Variants in RTTN observed in about 807,000 individuals in gnomAD.
RTTN encodes rotatin.
In RTTN, 182 loss-of-function variants were observed where a neutral mutation model predicts 269.2. The observed-to-expected ratio is 0.68, with a 90% CI of 0.60 to 0.76. The LOEUF (loss-of-function observed/expected upper bound fraction) is 0.76, where lower values mean the gene tolerates loss of function less well. Among genes scored for constraint, RTTN ranks in the 30% least tolerant of loss-of-function variants. The pLI, the probability that RTTN is intolerant of heterozygous loss-of-function variation, is 0.00. For synonymous variants in RTTN, 1,006 were observed against 963.5 expected (o/e 1.04, Z -0.82); for missense variants, 2,545 against 2,608.6 (o/e 0.98, Z 0.53).
chr18:70,081,289 TCAAACAC>T lies in RTTN; in HGVS notation c.4374+5317_4374+5323del, dbSNP rs201643391. 6.7e-3 allele frequency among the ~76,000 whole-genome samples: 1,020 copies of T among 151,858 alleles called. 23 individuals carry two copies. The highest frequency in any genetic ancestry group is 0.037 in the Admixed American group (559 of 15,220). ...ACCACTAAAGAACTTACTCATGTAATCAAACACCACCTGTTCCCCAATAACCTATGGG... is the reference window on the plus strand; with the variant it reads ...ACCACTAAAGAACTTACTCATGTAATCACCTGTTCCCCAATAACCTATGGG... On this transcript the variant is annotated intron_variant, in intron 32 of 48. Transcript: ENST00000640769.
At chr18:70,134,038 G>A (rs934224610) in intron 23 of RTTN, among the ~76,000 whole-genome samples, 11 of 152,044 alleles carry the variant, frequency 7.2e-5, no homozygotes, top group African/African-American at 2.7e-4. Flanking sequence ...TCATATTGTA[G>A]CAGTTATGTA....
chr18:70,180,528 G>C (rs1360823206), intron 10 of RTTN, among the ~76,000 whole-genome samples: 1 of 149,468 alleles, frequency 6.7e-6, no homozygotes, highest in African/African-American at 2.5e-5. Flanking sequence ...GTTGCAGTGA[G>C]TCAAGATCAC....
Position 70,142,294 on chromosome 18 carries a change from T to C in RTTN, c.2575A>G (p.Met859Val), listed in dbSNP as rs577535023. ...TTCCCTTAAAAGACATTACCTTGCATAATCACAGCTAACTGTTCAGCAGCT... is the reference window on the plus strand; with the variant it reads ...TTCCCTTAAAAGACATTACCTTGCACAATCACAGCTAACTGTTCAGCAGCT... ...KSAAEQLAVIMQDIKMHAVVK... is the reference protein window; with the variant it reads ...KSAAEQLAVIVQDIKMHAVVK... The change falls in exon 19 of 49, where the codon ATG becomes GTG. Residue 859 changes from methionine to valine, a missense_variant. Met to Val is a conservative substitution (Grantham distance 21, BLOSUM62 1). Transcript: ENST00000640769. 6 of 1,587,256 alleles carry C rather than the reference T, an allele frequency of 3.8e-6. No homozygotes were observed. Among genetic ancestry groups the C allele is most frequent in the Middle Eastern group, 1.7e-4 (1 of 6,012 alleles).
In RTTN at chr18:70,150,084, T is replaced by C. The variant is rs1380586407; in HGVS notation, c.2059A>G (p.Asn687Asp). 5 of 1,603,262 alleles carry C rather than the reference T, an allele frequency of 3.1e-6. No homozygotes were observed. The Admixed American group carries it at 8.4e-5, about 27-fold the overall frequency. Residue 687 changes from asparagine (N) to aspartate (D), a missense_variant, in exon 16 of 49, where the codon AAC becomes GAC. Coordinates refer to ENST00000640769, the MANE Select transcript of RTTN (RefSeq NM_173630.4). Reference sequence around the variant, plus strand: ...AACAGAATGGCCTTGGCAGCAGTGTTCACCTGCTCAACAACACAGACCCGA... The same window carrying C: ...AACAGAATGGCCTTGGCAGCAGTGTCCACCTGCTCAACAACACAGACCCGA... ...FGIQEPESEVNTAAKAILLYL... is the reference protein window; with the variant it reads ...FGIQEPESEVDTAAKAILLYL...
chr18:70,057,402 A>G (rs1669561053), intron 37 of RTTN, among the ~76,000 whole-genome samples: 1 of 152,208 alleles, frequency 6.6e-6, no homozygotes, highest in East Asian at 1.9e-4. Flanking sequence ...TAAATAACAG[A>G]GATAGCCTAA....
chr18:70,013,703 C>T (rs1004391754), intron 46 of RTTN, among the ~76,000 whole-genome samples: 2 of 151,956 alleles, frequency 1.3e-5, no homozygotes, highest in Non-Finnish European at 2.9e-5. Flanking sequence ...TTGAATATTA[C>T]CTTCTTAATA....
chr18:70,110,332 CG>C (rs2059431138), intron 27 of RTTN, among the ~76,000 whole-genome samples: 1 of 151,914 alleles, frequency 6.6e-6, no homozygotes, highest in Admixed American at 6.6e-5. Context: ...ACGCAGAAGG[CG>C]GGTGATTTCT....
intron 17 of RTTN, among the ~76,000 whole-genome samples, 157 bp downstream of exon 17, chr18:70,148,744 T>C (rs1052099096): frequency 6.6e-6 from 1 of 152,198 alleles, no homozygotes; most frequent in Non-Finnish European, 1.5e-5. Flanking sequence ...ATACAAGACC[T>C]TGTATCTGCT....
Position 70,166,116 on chromosome 18 carries a change from G to A in RTTN, c.1875C>T (p.His625=). 1 of 1,613,798 alleles carries A rather than the reference G, an allele frequency of 6.2e-7. No individual in the cohort carries two copies. Among genetic ancestry groups the A allele is most frequent in the Non-Finnish European group, 8.5e-7 (1 of 1,179,778 alleles). The change falls in exon 14 of 49, where the codon CAC becomes CAT. Residue 625 remains histidine, a synonymous_variant. Coordinates refer to ENST00000640769, the MANE Select transcript of RTTN (RefSeq NM_173630.4). ...SQKVLLHMLS[H]PLPRVKAETY... ...TTTCAGCTTTCACTCGTGGCAATGG[G>A]TGAGACAACATATGGAGAAGCACCT...
chr18:70,023,474 T>C (rs1026356492), intron 44 of RTTN, among the ~76,000 whole-genome samples: 4 of 152,212 alleles, frequency 2.6e-5, no homozygotes, highest in African/African-American at 9.7e-5. Flanking sequence ...ACAGAACTCT[T>C]GATTCCTACT....
rs183658487 is a variant in RTTN at position 70,121,724 on chromosome 18, T to C, written c.3384-24A>G. 2,543 of 1,519,198 alleles carry C rather than the reference T, an allele frequency of 1.7e-3. 2 individuals carry two copies. Among genetic ancestry groups the C allele is most frequent in the Non-Finnish European group, 2.1e-3 (2,380 of 1,139,292 alleles). The allele number at this position is 1,519,198 out of a possible 1,614,324, so 94.1% of individuals were successfully genotyped here. On this transcript the variant is annotated intron_variant, in intron 25 of 48. Coordinates refer to ENST00000640769, the MANE Select transcript of RTTN (RefSeq NM_173630.4). Reference sequence around the variant, plus strand: ...ACCTATAATGAAAAGACAATAATCATGGTTTCTGGCGCTTTAAAATACACA... The same window carrying C: ...ACCTATAATGAAAAGACAATAATCACGGTTTCTGGCGCTTTAAAATACACA...
intron 25 of RTTN, among the ~76,000 whole-genome samples, chr18:70,125,593 C>T (rs904518229): frequency 1.3e-5 from 2 of 151,884 alleles, no homozygotes; most frequent in African/African-American, 4.8e-5. Context: ...TATGAACATG[C>T]TTCTCTATAT....
intron 14 of RTTN, among the ~76,000 whole-genome samples, chr18:70,164,395 G>C (rs969652710): frequency 2.8e-5 from 4 of 143,104 alleles, no homozygotes; most frequent in African/African-American, 1.0e-4. Flanking sequence ...TTTTTTTCTT[G>C]TACAAACAGG....
rs191971309 is a variant in RTTN at position 70,203,463 on chromosome 18, G to C, written c.397+623C>G. On this transcript the variant is annotated intron_variant, in intron 3 of 48. Transcript: ENST00000640769. ...CCTGCCTCGGCTTCCCAAAGTGCCG[G>C]GATTACAGGCGTGAGCCACCATGCC... Among the ~76,000 whole-genome samples the C allele has an allele frequency of 6.0e-3, 910 of 152,224 alleles. 3 individuals are homozygous for C. The highest frequency in any genetic ancestry group is 0.01 in the Middle Eastern group (3 of 294).
chr18:70,031,644 T>A lies in RTTN; in HGVS notation c.5542-663A>T, dbSNP rs186487094. Reference sequence around the variant, plus strand: ...CTAATATGTACAAAAGCAGACACAATAACAGATTCCATACATTTTTATTAA... The same window carrying A: ...CTAATATGTACAAAAGCAGACACAAAAACAGATTCCATACATTTTTATTAA... On this transcript the variant is annotated intron_variant, in intron 40 of 48. Transcript: ENST00000640769. Among the ~76,000 whole-genome samples, 3 of 151,546 alleles carry A rather than the reference T, an allele frequency of 2.0e-5. No individual in the cohort carries two copies. The East Asian group carries it at 5.8e-4, about 29-fold the overall frequency.
At chr18:70,006,136 A>G in intron 47 of RTTN, 1 of 372,288 alleles carries the variant, frequency 2.7e-6, no homozygotes, top group East Asian at 4.2e-5. Flanking sequence ...AATTTAAATT[A>G]AGAGGAAAAA....
chr18:70,135,946 A>G (rs78993384), intron 21 of RTTN, among the ~76,000 whole-genome samples: 5,716 of 152,224 alleles, frequency 0.038, 197 homozygotes, highest in African/African-American at 0.089. Context: ...TCTCCTTGAA[A>G]CCTATGAAAT....
chr18:70,029,865 T>C (rs1378450985), intron 42 of RTTN, 147 bp downstream of exon 42: 4 of 569,824 alleles, frequency 7.0e-6, no homozygotes, highest in Admixed American at 3.3e-5. Context: ...AAGCCAACAA[T>C]CTGCTAATGT....
chr18:70,101,408 G>C (rs2145350426), intron 28 of RTTN, among the ~76,000 whole-genome samples: 1 of 152,178 alleles, frequency 6.6e-6, no homozygotes, highest in South Asian at 2.1e-4. Flanking sequence ...TATTTCTGTG[G>C]GATCGGTGTT....
Sources: gnomAD v4.1 joint callset for allele counts (sites outside exome capture counted in the v4.1 genomes callset) on GRCh38, gnomAD v4.1.1 for gene constraint, MANE v1.5 for transcripts, NCBI Gene and HGNC (gene_info 2026-07-23, HGNC 2026-07-21) for gene names.